The following SLC25A23 variants were observed in gnomAD, a reference collection of about 807,000 sequenced individuals.
The protein encoded by SLC25A23 is mitochondrial adenyl nucleotide antiporter SLC25A23.
In SLC25A23, 32 loss-of-function variants were observed where a neutral mutation model predicts 53.9. The ratio of observed to expected loss-of-function variants is 0.59; its 90% CI spans 0.45 to 0.80. The LOEUF is 0.80. Ranked by LOEUF, SLC25A23 falls within the 30% of genes least tolerant of loss-of-function variation. SLC25A23 has a pLI of 0.00. For synonymous variants in SLC25A23, 275 were observed against 264.5 expected (o/e 1.04, Z -0.38); for missense variants, 575 against 651.4 (o/e 0.88, Z 1.28).
chr19:6,454,258 T>C lies in SLC25A23; in HGVS notation c.795+65A>G. ...ACCACCCACCCCCAAGCCAATCCCG[T>C]AAATCTTTATGTACAGCCCAGTCTT... On this transcript the variant is annotated intron_variant, in intron 6 of 9. Transcript: ENST00000301454. This position sits in a 1 kb window ranked among gnomAD's most constrained non-coding sequence, Gnocchi z 4.3. 6.4e-7 allele frequency: 1 copy of C among 1,563,052 alleles called. No homozygotes were observed.
intron 8 of SLC25A23, among the ~76,000 whole-genome samples, chr19:6,444,517 A>G (rs2092475222): frequency 6.6e-6 from 1 of 152,118 alleles, no homozygotes; most frequent in African/African-American, 2.4e-5. Context: ...TGTACTGACT[A>G]TGCCCTAATC....
chr19:6,439,485 A>G (rs960429918), downstream of SLC25A23, among the ~76,000 whole-genome samples: 9 of 151,810 alleles, frequency 5.9e-5, no homozygotes, highest in Non-Finnish European at 1.2e-4. Flanking sequence ...TTGGTCTGGC[A>G]GCCCTAGGAA....
chr19:6,444,822 C>T (rs2092479201), intron 8 of SLC25A23, among the ~76,000 whole-genome samples: 1 of 151,580 alleles, frequency 6.6e-6, no homozygotes, highest in African/African-American at 2.4e-5. Context: ...TGCGTGCCAC[C>T]ACACCTGGCT....
chr19:6,452,096 G>A (rs2092600750), intron 8 of SLC25A23, among the ~76,000 whole-genome samples: 1 of 152,122 alleles, frequency 6.6e-6, no homozygotes, highest in South Asian at 2.1e-4. Flanking sequence ...GACCCCGGAA[G>A]GCTGAGCTGC....
intron 8 of SLC25A23, among the ~76,000 whole-genome samples, chr19:6,451,019 A>G (rs973468804): frequency 4.0e-5 from 6 of 151,270 alleles, no homozygotes; most frequent in Non-Finnish European, 1.5e-5. Flanking sequence ...TGGAGGCTGC[A>G]GTGGGCCGAG....
intron 8 of SLC25A23, among the ~76,000 whole-genome samples, chr19:6,446,838 A>C (rs1466398174): frequency 6.6e-6 from 1 of 152,140 alleles, no homozygotes; most frequent in Non-Finnish European, 1.5e-5. Flanking sequence ...TGCAGATCTA[A>C]TTAGTTAAGA....
chr19:6,458,505 C>CTGT (rs1197026910), intron 1 of SLC25A23, among the ~76,000 whole-genome samples, 181 bp from the exon 2 acceptor site: 2 of 152,168 alleles, frequency 1.3e-5, no homozygotes, highest in African/African-American at 4.8e-5. Flanking sequence ...ACAGCCACCA[C>CTGT]AGGTCTGTGC....
At position 6,456,410 on chromosome 19, in the gene SLC25A23, C is replaced by A; in HGVS notation, c.483+10G>T. ...CAGCCTTCAGCTGGGGAAAGCCACC[C>A]CCACCTCACCGTGGAATGCTTCCAG... On this transcript the variant is annotated intron_variant, in intron 4 of 9. Coordinates refer to ENST00000301454, the MANE Select transcript of SLC25A23 (RefSeq NM_024103.3). The A allele has an allele frequency of 6.2e-7, 1 of 1,613,172 alleles. No homozygotes were observed. Among genetic ancestry groups the A allele is most frequent in the South Asian group, 1.1e-5 (1 of 91,060 alleles).
At chr19:6,445,924 A>C (rs1339074742) in intron 8 of SLC25A23, among the ~76,000 whole-genome samples, 1 of 110,816 alleles carries the variant, frequency 9.0e-6, no homozygotes, top group Non-Finnish European at 1.6e-5. Context: ...CAAACAAACA[A>C]AAAAAAACTG....
chr19:6,450,146 C>T (rs1242880305), intron 8 of SLC25A23, among the ~76,000 whole-genome samples: 1 of 152,084 alleles, frequency 6.6e-6, no homozygotes, highest in Non-Finnish European at 1.5e-5. Context: ...GTGTGAGCCA[C>T]CGTGACCGGC....
chr19:6,451,743 T>C (rs995436106), intron 8 of SLC25A23, among the ~76,000 whole-genome samples: 7 of 151,982 alleles, frequency 4.6e-5, no homozygotes, highest in African/African-American at 1.7e-4. Context: ...GGGCAGGCCC[T>C]GAAGATGACA....
chr19:6,459,642 G>A lies in SLC25A23; in HGVS notation c.-14C>T, dbSNP rs773688868. 3 of 1,410,054 alleles carry A rather than the reference G, an allele frequency of 2.1e-6. No homozygotes were observed. The highest frequency in any genetic ancestry group is 2.9e-5 in the East Asian group (1 of 34,798). The allele number at this position is 1,410,054 out of a possible 1,614,324, so 87.3% of individuals were successfully genotyped here. ...GCTCCCCCGCATGGCGCCCGCCCGG[G>A]GGGGAGGGGAGGCCCGGCAGCGGCG... is the stretch of plus-strand genomic sequence containing the variant. On this transcript the variant is annotated 5_prime_UTR_variant, in exon 1 of 10. Coordinates refer to ENST00000301454, the MANE Select transcript of SLC25A23 (RefSeq NM_024103.3). This position sits in a 1 kb window ranked among gnomAD's most constrained non-coding sequence, Gnocchi z 4.6.
rs936744048 is a variant in SLC25A23 at position 6,441,843 on chromosome 19, T to C, written c.*132A>G. 9.0e-6 allele frequency: 7 copies of C among 781,686 alleles called. No homozygotes were observed. The highest frequency in any genetic ancestry group is 8.2e-5 in the African/African-American group (4 of 49,060). 48.4% of individuals were successfully genotyped at this position (781,686 alleles called of 1,614,324 possible). ...ATCCCATGACCCAATGGTTGGGGCA[T>C]AGGAGTCTAGGATCCAGGATCTGGG... On this transcript the variant is annotated 3_prime_UTR_variant, in exon 10 of 10. Transcript: ENST00000301454.
chr19:6,455,767 G>A (rs546642930), intron 4 of SLC25A23, among the ~76,000 whole-genome samples: 1 of 141,700 alleles, frequency 7.1e-6, no homozygotes, highest in East Asian at 2.2e-4. Flanking sequence ...ACCCAGGCTA[G>A]AGTGCAGTGG....
intron 2 of SLC25A23, 44 bp from the exon 3 acceptor site, chr19:6,457,634 C>T: frequency 6.5e-7 from 1 of 1,547,630 alleles, no homozygotes; most frequent in Non-Finnish European, 8.9e-7. Context: ...CGTGTGAGGA[C>T]ACCTGGGGAA....
intron 9 of SLC25A23, chr19:6,443,664 G>GA (rs111699825): frequency 0.034 from 23,330 of 693,694 alleles, 827 homozygotes; most frequent in African/African-American, 0.14. Context: ...CATCTCCAGT[G>GA]AAAATCACAA....
chr19:6,444,277 G>T lies in SLC25A23; in HGVS notation c.1096C>A (p.Gln366Lys). 1 of 1,608,024 alleles carries T rather than the reference G, an allele frequency of 6.2e-7. No homozygotes were observed. The highest frequency in any genetic ancestry group is 1.7e-5 in the Admixed American group (1 of 59,134). The stretch of plus-strand genomic sequence containing the variant: ...GGGTCTGCCGAGTCGTGGCTGTACT[G>T]CTGAAGCCACCAGTTCTTCAGAGTC... ...YETLKNWWLQ[Q>K]YSHDSADPGI... Residue 366 changes from glutamine to lysine, a missense_variant, in exon 9 of 10, where the codon CAG (glutamine) becomes AAG (lysine). Transcript: ENST00000301454.
intron 8 of SLC25A23, among the ~76,000 whole-genome samples, chr19:6,445,428 T>C: frequency 6.6e-6 from 1 of 152,022 alleles, no homozygotes; most frequent in East Asian, 1.9e-4. Flanking sequence ...TTCTAAGAGT[T>C]AGAAAAGTAG....
At position 6,454,204 on chromosome 19, in the gene SLC25A23, C is replaced by T; in HGVS notation, c.796-116G>A. ...TGCTGCAGGCATTCATGCAGAGGAG[C>T]AGATGCCTGATCCTGGGGACCTGTG... On this transcript the variant is annotated intron_variant, in intron 6 of 9. Coordinates refer to ENST00000301454, the MANE Select transcript of SLC25A23 (RefSeq NM_024103.3). The surrounding 1 kb of genome is among the most constrained non-coding windows in gnomAD (Gnocchi z 4.3). 1 of 1,507,760 alleles carries T rather than the reference C, an allele frequency of 6.6e-7. No homozygotes were observed. Among genetic ancestry groups the T allele is most frequent in the Non-Finnish European group, 9.0e-7 (1 of 1,110,998 alleles). 93.4% of individuals were successfully genotyped at this position (1,507,760 alleles called of 1,614,324 possible).
Sources: gnomAD v4.1 joint callset for allele counts (sites outside exome capture counted in the v4.1 genomes callset) on GRCh38, gnomAD v4.1.1 for gene constraint, Gnocchi (gnomAD v3.1) non-coding constraint, MANE v1.5 for transcripts, NCBI Gene and HGNC (gene_info 2026-07-23, HGNC 2026-07-21) for gene names.